RASAL2: variants seen among roughly 807,000 people sequenced by gnomAD.
RASAL2 encodes RAS protein activator like 2.
Under a neutral mutation model 128.9 loss-of-function variants are expected in RASAL2, and 58 were observed. That is an observed-to-expected ratio of 0.45 (90% CI 0.36 to 0.56). The LOEUF is 0.56. Among genes scored for constraint, RASAL2 ranks in the 20% least tolerant of loss-of-function variants. The probability of loss-of-function intolerance (pLI) is 0.00; values close to 1 mark genes in which losing one functional copy is unlikely to be tolerated. For synonymous variants in RASAL2, 561 were observed against 580.8 expected, an observed-to-expected ratio of 0.97 and a Z score of 0.49; for missense variants, 1,360 against 1,601.6, an observed-to-expected ratio of 0.85 and a Z score of 2.57.
chr1:178,195,023 C>G lies in RASAL2; in HGVS notation c.203-88541C>G, dbSNP rs1440094098. On this transcript the variant is annotated intron_variant, in intron 1 of 17. Transcript: ENST00000367649. Reference sequence around the variant, plus strand: ...TAATTTTGAATGTATCTAATTTTTGCTTTCCTCATTTACTTTAAAACCAAA... The same window carrying G: ...TAATTTTGAATGTATCTAATTTTTGGTTTCCTCATTTACTTTAAAACCAAA... 2.6e-5 allele frequency among the ~76,000 whole-genome samples: 4 copies of G among 152,146 alleles called. No individual in the cohort carries two copies. In the East Asian group the frequency reaches 7.7e-4, roughly 29 times the overall value.
At chr1:178,271,363 G>T (rs1209116270) in intron 1 of RASAL2, among the ~76,000 whole-genome samples, 2 of 152,074 alleles carry the variant, frequency 1.3e-5, no homozygotes, top group African/African-American at 4.8e-5. Flanking sequence ...CCATGTCTCT[G>T]TCTCTCCGTA....
At chr1:178,356,920 A>G (rs768683942) in intron 3 of RASAL2, among the ~76,000 whole-genome samples, 1 of 152,190 alleles carries the variant, frequency 6.6e-6, no homozygotes, top group Non-Finnish European at 1.5e-5. Flanking sequence ...TATACTTGTT[A>G]TCCTTAAAGG....
At chr1:178,119,748 T>C (rs1659647635) in intron 1 of RASAL2, among the ~76,000 whole-genome samples, 1 of 152,216 alleles carries the variant, frequency 6.6e-6, no homozygotes, top group African/African-American at 2.4e-5. Flanking sequence ...TGCCTTGTTG[T>C]CAACATCGGT....
intron 1 of RASAL2, among the ~76,000 whole-genome samples, chr1:178,224,532 G>A (rs1007606604): frequency 3.3e-5 from 5 of 152,042 alleles, no homozygotes; most frequent in Admixed American, 3.3e-4. Context: ...ATTTAGCTTT[G>A]TATAAACAAG....
intron 3 of RASAL2, among the ~76,000 whole-genome samples, chr1:178,329,595 C>T (rs1452310409): frequency 1.3e-5 from 2 of 152,152 alleles, no homozygotes; most frequent in African/African-American, 2.4e-5. Flanking sequence ...GAGGCTGAGA[C>T]GCTGGAGCAG....
chr1:178,377,734 T>G (rs915810207), intron 3 of RASAL2, among the ~76,000 whole-genome samples: 5 of 152,016 alleles, frequency 3.3e-5, no homozygotes, highest in Non-Finnish European at 7.4e-5. Context: ...ATAATCACAG[T>G]CGTGATAAGG....
intron 1 of RASAL2, among the ~76,000 whole-genome samples, chr1:178,136,553 C>T (rs377131298): frequency 6.6e-5 from 10 of 151,732 alleles, no homozygotes; most frequent in African/African-American, 2.2e-4. Flanking sequence ...GTCAGGAGTT[C>T]GAGACCAGCC....
intron 14 of RASAL2, among the ~76,000 whole-genome samples, chr1:178,459,613 G>A (rs1451911820): frequency 6.6e-6 from 1 of 152,156 alleles, no homozygotes; most frequent in Non-Finnish European, 1.5e-5. Context: ...TCTGCCTCCA[G>A]TCTGCTATGA....
In RASAL2 at chr1:178,458,460, G is replaced by A; in HGVS notation, c.3168G>A (p.Gly1056=). The A allele has an allele frequency of 6.2e-7, 1 of 1,614,156 alleles. No individual in the cohort carries two copies. Among genetic ancestry groups the A allele is most frequent in the Non-Finnish European group, 8.5e-7 (1 of 1,180,034 alleles). Residue 1056 remains glycine (G), a synonymous_variant, in exon 14 of 18, where the codon GGG becomes GGA. Transcript: ENST00000367649. Reference sequence around the variant, plus strand: ...TGGTGGCCGAACCTGTGCAGAATGGGAGCCGGTCCCGGCAGCAGTCCTCTT... The same window carrying A: ...TGGTGGCCGAACCTGTGCAGAATGGAAGCCGGTCCCGGCAGCAGTCCTCTT... ...AALVAEPVQN[G]SRSRQQSSSS...
At chr1:178,162,100 G>A (rs1418983508) in intron 1 of RASAL2, among the ~76,000 whole-genome samples, 1 of 149,814 alleles carries the variant, frequency 6.7e-6, no homozygotes, top group Non-Finnish European at 1.5e-5. Flanking sequence ...GAGTAGCTGG[G>A]ACTACAGGCA....
At chr1:178,141,603 C>T (rs1340381218) in intron 1 of RASAL2, among the ~76,000 whole-genome samples, 3 of 152,122 alleles carry the variant, frequency 2.0e-5, no homozygotes, top group African/African-American at 7.2e-5. Flanking sequence ...CCGTCGACTG[C>T]TCCAACTGCT....
intron 3 of RASAL2, chr1:178,389,370 A>G (rs1212377617): frequency 1.8e-6 from 1 of 567,498 alleles, no homozygotes; most frequent in African/African-American, 2.0e-5. Flanking sequence ...ATACACATGT[A>G]TATATATATC....
At chr1:178,352,748 TC>T (rs1275844323) in intron 3 of RASAL2, among the ~76,000 whole-genome samples, 1 of 152,242 alleles carries the variant, frequency 6.6e-6, no homozygotes, top group African/African-American at 2.4e-5. Context: ...TCCAGGCTTT[TC>T]CGTACATTCT....
chr1:178,274,576 T>C (rs1159880876), intron 1 of RASAL2, among the ~76,000 whole-genome samples: 1 of 152,144 alleles, frequency 6.6e-6, no homozygotes, highest in Non-Finnish European at 1.5e-5. Context: ...TGCTAGTTTT[T>C]CTTATGCTTT....
At position 178,094,191 on chromosome 1, in the gene RASAL2, C is replaced by T. The variant is rs1050613020; in HGVS notation, c.-302C>T. 9.7e-6 allele frequency: 4 copies of T among 411,388 alleles called. No homozygotes were observed. Among genetic ancestry groups the T allele is most frequent in the African/African-American group, 2.1e-5 (1 of 47,284 alleles). The allele number at this position is 411,388 out of a possible 1,614,324, so 25.5% of individuals were successfully genotyped here. A position where few individuals can be genotyped will look rare whatever the true frequency, so the allele number is the denominator to read the frequency against. Reference sequence around the variant, plus strand: ...GAGGGCGAGCCTCCCCTCCCGGGTTCTTCTGCGTCCTCTCCCGGGAGGGAC... The same window carrying T: ...GAGGGCGAGCCTCCCCTCCCGGGTTTTTCTGCGTCCTCTCCCGGGAGGGAC... On this transcript the variant is annotated 5_prime_UTR_variant, in exon 1 of 18. Coordinates refer to ENST00000367649, the MANE Select transcript of RASAL2 (RefSeq NM_170692.4).
chr1:178,253,665 T>C (rs1665165163), intron 1 of RASAL2, among the ~76,000 whole-genome samples: 1 of 152,126 alleles, frequency 6.6e-6, no homozygotes, highest in African/African-American at 2.4e-5. Context: ...GGGGTTGTTC[T>C]CTGGCGGGCA....
chr1:178,296,161 A>ATGTG (rs139623846), intron 2 of RASAL2, among the ~76,000 whole-genome samples: 15 of 139,234 alleles, frequency 1.1e-4, no homozygotes, highest in African/African-American at 2.9e-4. Flanking sequence ...GTGTATATAT[A>ATGTG]TGTGTGTGTG....
chr1:178,459,404 T>C (rs553640048), intron 14 of RASAL2, among the ~76,000 whole-genome samples: 1 of 152,120 alleles, frequency 6.6e-6, no homozygotes, highest in South Asian at 2.1e-4. Flanking sequence ...AAAAGATTTT[T>C]CTCCTAAAAA....
At chr1:178,449,746 T>C (rs1454081284) in intron 9 of RASAL2, among the ~76,000 whole-genome samples, 2 of 152,168 alleles carry the variant, frequency 1.3e-5, no homozygotes, top group African/African-American at 4.8e-5. Flanking sequence ...GCATTTTAAA[T>C]ATGTGATAAT....
Sources: allele counts gnomAD v4.1 joint callset (sites outside exome capture counted in the v4.1 genomes callset), GRCh38; gene constraint gnomAD v4.1.1; transcripts MANE v1.5; gene names NCBI Gene and HGNC (gene_info 2026-07-23, HGNC 2026-07-21).